GPC5: variants seen among roughly 807,000 people sequenced by gnomAD.
GPC5 encodes the protein glypican 5, also known as glypican-5.
Under a neutral mutation model 53.9 loss-of-function variants are expected in GPC5, and 47 were observed. The ratio of observed to expected loss-of-function variants is 0.87; its 90% CI spans 0.69 to 1.11. GPC5 has a LOEUF of 1.11. GPC5 is among the 50% of genes most tolerant of loss of function. The pLI is 0.00. For missense variants in GPC5, 748 were observed against 713.1 expected, an observed-to-expected ratio of 1.05 and a Z score of -0.56; for synonymous variants, 286 against 263.3, an observed-to-expected ratio of 1.09 and a Z score of -0.84.
At chr13:92,556,408 T>C (rs1445721902) in intron 7 of GPC5, among the ~76,000 whole-genome samples, 2 of 151,804 alleles carry the variant, frequency 1.3e-5, no homozygotes, top group African/African-American at 2.4e-5. Context: ...TTTCTATATA[T>C]ATTATTTTTA....
chr13:92,510,830 C>T (rs1452437995), intron 7 of GPC5, among the ~76,000 whole-genome samples: 1 of 152,146 alleles, frequency 6.6e-6, no homozygotes. Context: ...ATAGCATCTC[C>T]ATTACCAAAT....
intron 2 of GPC5, among the ~76,000 whole-genome samples, chr13:91,565,866 G>A (rs1594261886): frequency 6.6e-6 from 1 of 152,282 alleles, no homozygotes; most frequent in East Asian, 1.9e-4. Context: ...GAGGCTCTGA[G>A]GATGACTCTA....
At chr13:92,160,602 T>G (rs1263789448) in intron 7 of GPC5, among the ~76,000 whole-genome samples, 6 of 152,138 alleles carry the variant, frequency 3.9e-5, no homozygotes, top group Non-Finnish European at 8.8e-5. Flanking sequence ...CCATTAAGTC[T>G]TTGATGAAAT....
At position 92,429,228 on chromosome 13, in the gene GPC5, AAATT is replaced by A. The variant is rs1177484531; in HGVS notation, c.1561+284242_1561+284245del. ...AATATCTATCATGAAAAACCATTCAAAATTAAAGTAATTGTGACATTTTATTCAT... is the reference window on the plus strand; with the variant it reads ...AATATCTATCATGAAAAACCATTCAAAAAGTAATTGTGACATTTTATTCAT... On this transcript the variant is annotated intron_variant, in intron 7 of 7. Coordinates refer to ENST00000377067, the MANE Select transcript of GPC5 (RefSeq NM_004466.6). Among the ~76,000 whole-genome samples the A allele has an allele frequency of 2.0e-4, 31 of 152,122 alleles. 1 individual carries two copies. Among genetic ancestry groups the A allele is most frequent in the African/African-American group, 7.0e-4 (29 of 41,524 alleles).
At chr13:92,770,930 C>T (rs73623402) in intron 7 of GPC5, among the ~76,000 whole-genome samples, 138 of 152,218 alleles carry the variant, frequency 9.1e-4, no homozygotes, top group Middle Eastern at 3.4e-3. Flanking sequence ...GAAGATACTC[C>T]TCATTATTTA....
intron 7 of GPC5, among the ~76,000 whole-genome samples, chr13:92,584,994 A>G (rs76861803): frequency 0.24 from 35,756 of 151,960 alleles, 5,343 homozygotes; most frequent in Non-Finnish European, 0.34. Flanking sequence ...CTGGATGCCT[A>G]GGCAAAAGTT....
At chr13:92,259,545 C>G (rs1361778392) in intron 7 of GPC5, among the ~76,000 whole-genome samples, 1 of 152,100 alleles carries the variant, frequency 6.6e-6, no homozygotes, top group East Asian at 1.9e-4. Context: ...TTTGAATAGT[C>G]TACCCTATCA....
chr13:92,626,521 A>T (rs563710646), intron 7 of GPC5, among the ~76,000 whole-genome samples: 1 of 152,328 alleles, frequency 6.6e-6, no homozygotes, highest in African/African-American at 2.4e-5. Context: ...GATTGTAAGC[A>T]GGTGCACTGG....
At chr13:92,077,036 C>A (rs1325045908) in intron 6 of GPC5, among the ~76,000 whole-genome samples, 1 of 152,170 alleles carries the variant, frequency 6.6e-6, no homozygotes, top group Non-Finnish European at 1.5e-5. Flanking sequence ...ACAAACTCAA[C>A]CAATTGTCAA....
intron 7 of GPC5, among the ~76,000 whole-genome samples, chr13:92,318,463 T>C (rs573951768): frequency 1.4e-4 from 21 of 152,330 alleles, no homozygotes; most frequent in African/African-American, 4.8e-4. Context: ...ATGTAAAATA[T>C]AACAAATAAG....
At chr13:92,645,187 C>T (rs1441262305) in intron 7 of GPC5, among the ~76,000 whole-genome samples, 1 of 152,126 alleles carries the variant, frequency 6.6e-6, no homozygotes, top group Non-Finnish European at 1.5e-5. Context: ...GCTTCTGGGC[C>T]CAGGCTGGAG....
At chr13:91,663,748 G>C (rs1337276269) in intron 2 of GPC5, among the ~76,000 whole-genome samples, 2 of 152,096 alleles carry the variant, frequency 1.3e-5, no homozygotes, top group South Asian at 2.1e-4. Flanking sequence ...ACAGGCATTA[G>C]TCATAGCTTC....
intron 6 of GPC5, among the ~76,000 whole-genome samples, chr13:92,128,761 G>C (rs1396406596): frequency 6.6e-6 from 1 of 152,082 alleles, no homozygotes; most frequent in Non-Finnish European, 1.5e-5. Context: ...TCAGGAGATC[G>C]AGACTATCCT....
chr13:92,819,077 G>A (rs1309150080), intron 7 of GPC5, among the ~76,000 whole-genome samples: 1 of 151,972 alleles, frequency 6.6e-6, no homozygotes, highest in Non-Finnish European at 1.5e-5. Flanking sequence ...TCTTACATAT[G>A]TGAGGTGCAA....
Position 91,462,851 on chromosome 13 carries a change from T to C in GPC5, c.325+13929T>C, listed in dbSNP as rs573262704. Among the ~76,000 whole-genome samples, 6 of 152,260 alleles carry C rather than the reference T, an allele frequency of 3.9e-5. No individual in the cohort carries two copies. The East Asian group carries it at 9.7e-4, about 25-fold the overall frequency. On this transcript the variant is annotated intron_variant, in intron 2 of 7. Transcript: ENST00000377067. ...TAGGCCAACTGCTTTATTTTTATTA[T>C]AAACCTTCAAAGTAGACTTAAATTA...
intron 7 of GPC5, among the ~76,000 whole-genome samples, chr13:92,717,228 A>G (rs978069262): frequency 2.6e-5 from 4 of 152,168 alleles, no homozygotes; most frequent in African/African-American, 9.7e-5. Flanking sequence ...GATGGTATCA[A>G]TGTGTTATCT....
intron 6 of GPC5, among the ~76,000 whole-genome samples, chr13:91,912,601 C>A (rs922507519): frequency 1.3e-5 from 2 of 152,126 alleles, no homozygotes; most frequent in African/African-American, 4.8e-5. Context: ...CACCTGACCA[C>A]ACAAAACAAA....
intron 7 of GPC5, chr13:92,659,208 G>T (rs1594391740): frequency 6.6e-6 from 1 of 151,958 alleles, no homozygotes; most frequent in Non-Finnish European, 1.5e-5. Flanking sequence ...GATTACAGGC[G>T]TGAGCCACCG....
chr13:92,509,156 TC>T lies in GPC5; in HGVS notation c.1562-357125del, dbSNP rs1229462215. ...GAAGAATTCCATGGTATAGGCTCTA[TC>T]ATGATTTACCCCTGCCTCAAACATT... On this transcript the variant is annotated intron_variant, in intron 7 of 7. Transcript: ENST00000377067. Among the ~76,000 whole-genome samples, 5 of 152,336 alleles carry T rather than the reference TC, an allele frequency of 3.3e-5. No homozygotes were observed. In the South Asian group the frequency reaches 1.0e-3, roughly 32 times the overall value.
Sources: gnomAD v4.1 joint callset for allele counts (sites outside exome capture counted in the v4.1 genomes callset) on GRCh38, gnomAD v4.1.1 for gene constraint, MANE v1.5 for transcripts, NCBI Gene and HGNC (gene_info 2026-07-23, HGNC 2026-07-21) for gene names.